Variants in SUFU observed in about 807,000 individuals in gnomAD.
SUFU encodes suppressor of fused homolog.
Under a neutral mutation model 58.9 loss-of-function variants are expected in SUFU, and 7 were observed. The ratio of observed to expected loss-of-function variants is 0.12; its 90% CI spans 0.07 to 0.22. The LOEUF is 0.22. Ranked by LOEUF, SUFU falls within the 10% of genes least tolerant of loss-of-function variation. SUFU has a pLI of 1.00. For missense variants in SUFU, 451 were observed against 641.3 expected (o/e 0.70, Z 3.20); for synonymous variants, 232 against 254.8 (o/e 0.91, Z 0.85).
intron 2 of SUFU, among the ~76,000 whole-genome samples, chr10:102,535,290 T>C (rs1211316494): frequency 1.3e-5 from 2 of 152,036 alleles, no homozygotes; most frequent in East Asian, 3.9e-4. Flanking sequence ...TTCGAGACCA[T>C]CCTGGCCAAC....
chr10:102,620,270 C>T (rs941720085), intron 10 of SUFU, among the ~76,000 whole-genome samples: 2 of 152,292 alleles, frequency 1.3e-5, no homozygotes, highest in African/African-American at 4.8e-5. Context: ...TGGGAGAAAG[C>T]GTGGCAGAGA....
intron 8 of SUFU, among the ~76,000 whole-genome samples, chr10:102,600,884 C>A (rs1343609130): frequency 6.6e-6 from 1 of 152,188 alleles, no homozygotes; most frequent in African/African-American, 2.4e-5. Flanking sequence ...GTTTCTCCAG[C>A]CAGCTGCCCT....
intron 3 of SUFU, among the ~76,000 whole-genome samples, chr10:102,569,687 C>G (rs779473709): frequency 6.6e-6 from 1 of 152,094 alleles, no homozygotes; most frequent in Non-Finnish European, 1.5e-5. Context: ...GGTACATAGA[C>G]GGCTGAGGGG....
intron 2 of SUFU, among the ~76,000 whole-genome samples, chr10:102,531,206 G>A (rs1217290160): frequency 2.0e-5 from 3 of 152,172 alleles, no homozygotes; most frequent in South Asian, 2.1e-4. Flanking sequence ...AGTGAGTCAC[G>A]ATCATGCCAC....
Position 102,630,868 on chromosome 10 carries a change from A to G in SUFU, c.*713A>G. On this transcript the variant is annotated 3_prime_UTR_variant, in exon 12 of 12. Coordinates refer to ENST00000369902, the MANE Select transcript of SUFU (RefSeq NM_016169.4). ...AGAGCCCTGGAGGAGCCGGCTGCAC[A>G]GAGAGGCTTTTCTTCCCAGCTGGGC... The G allele has an allele frequency of 8.5e-6, 2 of 235,848 alleles. No homozygotes were observed. Among genetic ancestry groups the G allele is most frequent in the East Asian group, 1.2e-4 (2 of 16,632 alleles). 14.6% of individuals were successfully genotyped at this position (235,848 alleles called of 1,614,324 possible). A position where few individuals can be genotyped will look rare whatever the true frequency, so the allele number is the denominator to read the frequency against.
intron 3 of SUFU, among the ~76,000 whole-genome samples, chr10:102,576,612 A>T (rs561166784): frequency 1.2e-4 from 19 of 152,292 alleles, no homozygotes; most frequent in African/African-American, 4.6e-4. Flanking sequence ...AAGTAGAATG[A>T]TTGGGTCAAA....
intron 2 of SUFU, among the ~76,000 whole-genome samples, chr10:102,510,525 A>T (rs1000378325): frequency 6.1e-5 from 9 of 147,076 alleles, no homozygotes; most frequent in African/African-American, 2.2e-4. Flanking sequence ...TCTATATTTT[A>T]AAAAGATTTT....
chr10:102,508,007 C>G (rs918155936), intron 1 of SUFU, among the ~76,000 whole-genome samples: 2 of 148,608 alleles, frequency 1.3e-5, no homozygotes, highest in African/African-American at 5.0e-5. Flanking sequence ...ACTCTGTCAC[C>G]CAGGCTGGAG....
In SUFU at chr10:102,530,684, G is replaced by A. The variant is rs561669050; in HGVS notation, c.318-19286G>A. ...GCCCAGACTGGTCTTGAACTCCTGG[G>A]CTAAAGCAATCCTACTGCCTCGGCC... On this transcript the variant is annotated intron_variant, in intron 2 of 11. Coordinates refer to ENST00000369902, the MANE Select transcript of SUFU (RefSeq NM_016169.4). Among the ~76,000 whole-genome samples the A allele has an allele frequency of 3.3e-5, 5 of 151,760 alleles. No homozygotes were observed. In the East Asian group the frequency reaches 9.8e-4, roughly 30 times the overall value.
chr10:102,539,587 G>A (rs1332228023), intron 2 of SUFU, among the ~76,000 whole-genome samples: 2 of 152,036 alleles, frequency 1.3e-5, no homozygotes, highest in Non-Finnish European at 2.9e-5. Context: ...TTTACCACCC[G>A]TTGATGATTC....
At chr10:102,519,565 A>G (rs1198365450) in intron 2 of SUFU, among the ~76,000 whole-genome samples, 3 of 150,422 alleles carry the variant, frequency 2.0e-5, no homozygotes, top group Non-Finnish European at 4.4e-5. Flanking sequence ...ACCTTATCGT[A>G]GTCATTTACA....
intron 2 of SUFU, among the ~76,000 whole-genome samples, chr10:102,513,742 T>A (rs960589349): frequency 2.0e-5 from 3 of 152,220 alleles, no homozygotes; most frequent in Admixed American, 1.3e-4. Context: ...ACAACGCTTT[T>A]AGGAGTGAGA....
intron 3 of SUFU, among the ~76,000 whole-genome samples, chr10:102,568,915 TATATACAC>T (rs1232760266): frequency 0.031 from 235 of 7,616 alleles, 5 homozygotes; most frequent in African/African-American, 0.042. Flanking sequence ...TATATATATA[TATATACAC>T]ATATATATAT....
At chr10:102,546,835 G>T (rs1161939451) in intron 2 of SUFU, among the ~76,000 whole-genome samples, 1 of 152,242 alleles carries the variant, frequency 6.6e-6, no homozygotes. Context: ...GGCCGGGCCT[G>T]TCCCTCCCAC....
intron 11 of SUFU, 35 bp from the exon 12 acceptor site, chr10:102,630,031 C>T: frequency 6.3e-7 from 1 of 1,592,018 alleles, no homozygotes; most frequent in Non-Finnish European, 8.6e-7. Flanking sequence ...CTGCTAACCA[C>T]TCACACTCCT....
intron 3 of SUFU, among the ~76,000 whole-genome samples, chr10:102,555,830 G>A (rs2062969738): frequency 6.6e-6 from 1 of 152,176 alleles, no homozygotes; most frequent in African/African-American, 2.4e-5. Context: ...GTGGTTACAC[G>A]CTACAAGAGT....
At chr10:102,535,965 ATGATGT>A (rs896183709) in intron 2 of SUFU, among the ~76,000 whole-genome samples, 7 of 136,272 alleles carry the variant, frequency 5.1e-5, no homozygotes, top group African/African-American at 1.8e-4. Flanking sequence ...GATGATGATG[ATGATGT>A]TGTTGATGAT....
intron 8 of SUFU, among the ~76,000 whole-genome samples, chr10:102,601,092 A>G (rs986490350): frequency 2.0e-5 from 3 of 152,208 alleles, no homozygotes; most frequent in Non-Finnish European, 4.4e-5. Context: ...TGGAAGGCCT[A>G]TAACATGGAC....
rs576711732 is a variant in SUFU at position 102,514,155 on chromosome 10, G to A, written c.317+4852G>A. 2.0e-5 allele frequency among the ~76,000 whole-genome samples: 3 copies of A among 152,224 alleles called. No homozygotes were observed. In the South Asian group the frequency reaches 6.2e-4, roughly 32 times the overall value. ...TCCTGCCTTGGCCTCTCAAAGTGCT[G>A]GAATTGCAGGCAAGAGCCAGTGCTC... On this transcript the variant is annotated intron_variant, in intron 2 of 11. Coordinates refer to ENST00000369902, the MANE Select transcript of SUFU (RefSeq NM_016169.4).
Sources: gnomAD v4.1 joint callset for allele counts (sites outside exome capture counted in the v4.1 genomes callset) on GRCh38, gnomAD v4.1.1 for gene constraint, MANE v1.5 for transcripts, NCBI Gene and HGNC (gene_info 2026-07-23, HGNC 2026-07-21) for gene names.